SLC2A9: variants seen among roughly 807,000 people sequenced by gnomAD.
SLC2A9 encodes solute carrier family 2, facilitated glucose transporter member 9.
Under a neutral mutation model 50.6 loss-of-function variants are expected in SLC2A9, and 39 were observed. That is an observed-to-expected ratio of 0.77 (90% CI 0.60 to 1.01). The LOEUF (loss-of-function observed/expected upper bound fraction) is 1.01. Ranked by LOEUF, SLC2A9 falls within the 50% of genes least tolerant of loss-of-function variation. The pLI, the probability that SLC2A9 is intolerant of heterozygous loss-of-function variation, is 0.00. For missense variants in SLC2A9, 686 were observed against 677.6 expected (o/e 1.01, Z -0.14); for synonymous variants, 324 against 276.9 (o/e 1.17, Z -1.69).
At chr4:9,887,730 CT>C (rs1736554176) in intron 9 of SLC2A9, 88 bp from the exon 10 acceptor site, 1 of 1,123,312 alleles carries the variant, frequency 8.9e-7, no homozygotes, top group Non-Finnish European at 1.2e-6. Flanking sequence ...CTCCATCCAT[CT>C]GTGTGACCTT....
rs1428939080 is a variant in SLC2A9, at chr4:9,925,861, G to T, written c.815-5289C>A. ...TCAACCAAATTGCATCAGCAGGGGG[G>T]CCAGTATCTGTTCGGTGTTCTCCCT... On this transcript the variant is annotated intron_variant, in intron 6 of 11. Transcript: ENST00000264784. Among the ~76,000 whole-genome samples the T allele has an allele frequency of 2.0e-5, 3 of 152,130 alleles. No individual in the cohort carries two copies. The East Asian group carries it at 5.8e-4, about 29-fold the overall frequency.
intron 5 of SLC2A9, among the ~76,000 whole-genome samples, chr4:9,966,295 G>A (rs1753042736): frequency 6.6e-6 from 1 of 152,146 alleles, no homozygotes; most frequent in African/African-American, 2.4e-5. Context: ...AATAATTACA[G>A]ATTTGAATAA....
At chr4:9,861,436 C>T (rs1272228660) in intron 10 of SLC2A9, among the ~76,000 whole-genome samples, 3 of 152,060 alleles carry the variant, frequency 2.0e-5, no homozygotes, top group African/African-American at 7.2e-5. Context: ...CCCACCATGC[C>T]CCACCTCCAA....
intron 5 of SLC2A9, among the ~76,000 whole-genome samples, chr4:9,948,123 C>T (rs998330325): frequency 1.3e-5 from 2 of 152,018 alleles, no homozygotes; most frequent in African/African-American, 2.4e-5. Context: ...AAACACCACC[C>T]CCCCACCCCT....
chr4:9,978,697 T>C (rs951831355), intron 5 of SLC2A9, among the ~76,000 whole-genome samples: 1 of 152,154 alleles, frequency 6.6e-6, no homozygotes, highest in Non-Finnish European at 1.5e-5. Context: ...CAACCACAAA[T>C]GTAAAATGTG....
chr4:9,821,456 G>A (rs773755572), downstream of SLC2A9, among the ~76,000 whole-genome samples: 20 of 152,042 alleles, frequency 1.3e-4, no homozygotes, highest in Non-Finnish European at 2.2e-4. Flanking sequence ...ATGAGAACAC[G>A]TGGACACAGG....
At chr4:9,952,381 T>C (rs4459990) in intron 5 of SLC2A9, among the ~76,000 whole-genome samples, 73,222 of 151,846 alleles carry the variant, frequency 0.48, 19,045 homozygotes, top group African/African-American at 0.67. Context: ...GCACCTTCCC[T>C]AGCCTTACTT....
intron 10 of SLC2A9, among the ~76,000 whole-genome samples, chr4:9,851,276 C>T (rs1729863980): frequency 6.6e-6 from 1 of 152,174 alleles, no homozygotes; most frequent in South Asian, 2.1e-4. Flanking sequence ...ATGTCAGTCC[C>T]CCAGAGCCAG....
At position 9,910,967 on chromosome 4, in the gene SLC2A9, A is replaced by G. The variant is rs1297201348; in HGVS notation, c.1003-2622T>C. On this transcript the variant is annotated intron_variant, in intron 7 of 11. Transcript: ENST00000264784. Reference sequence around the variant, plus strand: ...GAACAATGAGAATACATGGAAACAGAGAGGGGAACATCATACACCAGGGCC... The same window carrying G: ...GAACAATGAGAATACATGGAAACAGGGAGGGGAACATCATACACCAGGGCC... Among the ~76,000 whole-genome samples, 3 of 145,594 alleles carry G rather than the reference A, an allele frequency of 2.1e-5. No individual in the cohort carries two copies. In the East Asian group the frequency reaches 5.9e-4, roughly 29 times the overall value.
At chr4:9,887,719 C>G (rs1736551222) in intron 9 of SLC2A9, 77 bp from the exon 10 acceptor site, 1 of 1,209,792 alleles carries the variant, frequency 8.3e-7, no homozygotes, top group South Asian at 1.8e-5. Flanking sequence ...CCCAGCTCCT[C>G]CTCCATCCAT....
At chr4:9,813,156 A>G (rs1383763218) in intron 3 of SLC2A9, among the ~76,000 whole-genome samples, 3 of 152,162 alleles carry the variant, frequency 2.0e-5, no homozygotes, top group Admixed American at 1.3e-4. Context: ...GCATAGACCT[A>G]TGTTCAGCCA....
intron 10 of SLC2A9, among the ~76,000 whole-genome samples, chr4:9,855,364 C>A (rs771470343): frequency 2.0e-5 from 3 of 152,034 alleles, no homozygotes; most frequent in Non-Finnish European, 2.9e-5. Context: ...TTAACAATAA[C>A]CACACAAGCA....
chr4:10,029,124 A>T (rs1043627218), intron 1 of SLC2A9: 1 of 152,228 alleles, frequency 6.6e-6, no homozygotes, highest in Non-Finnish European at 1.5e-5. Flanking sequence ...GGACAGATCC[A>T]CAGGGTGTCT....
intron 11 of SLC2A9, 24 bp from the exon 12 acceptor site, chr4:9,826,624 C>G: frequency 1.2e-6 from 2 of 1,605,600 alleles, no homozygotes; most frequent in Non-Finnish European, 1.7e-6. Context: ...GAGACAAAAA[C>G]CCTCAAATAG....
At position 9,799,700 on chromosome 4, in the gene SLC2A9, C is replaced by CCCCCCCA. The variant is rs1553813199; in HGVS notation, n.421-460_421-459insTGGGGGG. On this transcript the variant is annotated intron_variant and non_coding_transcript_variant, in intron 3 of 3. Transcript: ENST00000503280. ...AGCTCCATTCCAATTGTACCCCCCC[C>CCCCCCCA]CCACCCAACTTCTACACCAGTTTTG... 1.2e-3 allele frequency among the ~76,000 whole-genome samples: 115 copies of CCCCCCCA among 93,662 alleles called. 1 individual carries two copies. Among genetic ancestry groups the CCCCCCCA allele is most frequent in the African/African-American group, 2.1e-3 (53 of 25,146 alleles). 61.4% of individuals were successfully genotyped at this position (93,662 alleles called of 152,430 possible).
intron 5 of SLC2A9, among the ~76,000 whole-genome samples, chr4:9,977,143 CT>C (rs1289588257): frequency 6.6e-6 from 1 of 152,144 alleles, no homozygotes; most frequent in African/African-American, 2.4e-5. Flanking sequence ...GGCCAAAAGC[CT>C]TCTTGAAGCA....
At chr4:9,788,175 T>C (rs979586514) in intron 3 of SLC2A9, among the ~76,000 whole-genome samples, 1 of 152,104 alleles carries the variant, frequency 6.6e-6, no homozygotes, top group Non-Finnish European at 1.5e-5. Context: ...CAGCATAGAA[T>C]CTTGGTTTTT....
intron 6 of SLC2A9, among the ~76,000 whole-genome samples, chr4:9,932,058 A>G (rs1405358606): frequency 6.9e-6 from 1 of 144,786 alleles, no homozygotes; most frequent in Non-Finnish European, 1.5e-5. Context: ...CAGAGGTAGA[A>G]ACTATCAAGA....
At chr4:9,855,429 A>G (rs1026510466) in intron 10 of SLC2A9, among the ~76,000 whole-genome samples, 1 of 152,210 alleles carries the variant, frequency 6.6e-6, no homozygotes, top group Non-Finnish European at 1.5e-5. Flanking sequence ...AGATCCCTAC[A>G]ATGAAAATTA....
Sources: allele counts gnomAD v4.1 joint callset (sites outside exome capture counted in the v4.1 genomes callset), GRCh38; gene constraint gnomAD v4.1.1; transcripts MANE v1.5; gene names NCBI Gene and HGNC (gene_info 2026-07-23, HGNC 2026-07-21).